ATP5MC1: variants seen among roughly 807,000 people sequenced by gnomAD.
ATP5MC1 encodes ATP synthase membrane subunit c locus 1.
Under a neutral mutation model 12.1 loss-of-function variants are expected in ATP5MC1, and 4 were observed. That is an observed-to-expected ratio of 0.33 (90% CI 0.16 to 0.76). The LOEUF (loss-of-function observed/expected upper bound fraction) is 0.76, where lower values mean the gene tolerates loss of function less well. ATP5MC1 is among the 30% of genes least tolerant of loss of function. ATP5MC1 has a pLI of 0.61. For synonymous variants in ATP5MC1, 52 were observed against 66.0 expected, an observed-to-expected ratio of 0.79 and a Z score of 1.03; for missense variants, 117 against 172.1, an observed-to-expected ratio of 0.68 and a Z score of 1.79.
intron 2 of ATP5MC1, chr17:48,893,958 G>A (rs773913533): frequency 6.4e-5 from 13 of 203,100 alleles, no homozygotes; most frequent in Non-Finnish European, 1.0e-4. Context: ...TATTCCAGTC[G>A]GTTTCCGGGG....
chr17:48,894,724 G>A, intron 3 of ATP5MC1: 1 of 516,652 alleles, frequency 1.9e-6, no homozygotes, highest in Non-Finnish European at 3.6e-6. Flanking sequence ...CTATGCCACT[G>A]CACTCCAGAC....
Position 48,895,725 on chromosome 17 carries a change from C to CT in ATP5MC1, c.371dup (p.Cys125LeufsTer37), listed in dbSNP as rs1488812657. 6.2e-7 allele frequency: 1 copy of CT among 1,613,930 alleles called. No individual in the cohort carries two copies. Among genetic ancestry groups the CT allele is most frequent in the African/African-American group, 1.3e-5 (1 of 74,902 alleles). On this transcript the variant is annotated frameshift_variant, in exon 5 of 5. Coordinates refer to ENST00000393366, the MANE Select transcript of ATP5MC1 (RefSeq NM_005175.3). LOFTEE classifies it high-confidence loss of function. ...CTTTGCCCTGTCTGAGGCCATGGGG[C>CT]TTTTCTGTTTGATGGTCGCCTTCCT...
At chr17:48,893,919 C>T (rs1438466718) in intron 2 of ATP5MC1, 2 of 209,592 alleles carry the variant, frequency 9.5e-6, no homozygotes, top group Admixed American at 1.1e-4. Flanking sequence ...TCAAAAAAGC[C>T]ATGTTACAGA....
At chr17:48,893,104 G>T in intron 1 of ATP5MC1, 194 bp downstream of exon 1, 1 of 417,662 alleles carries the variant, frequency 2.4e-6, no homozygotes, top group Non-Finnish European at 4.3e-6. Context: ...AGATGGGCAG[G>T]ATCCTGCGCG....
At chr17:48,895,606 C>G (rs923226015) in intron 4 of ATP5MC1, 49 bp from the exon 5 acceptor site, 2 of 1,536,168 alleles carry the variant, frequency 1.3e-6, no homozygotes, top group African/African-American at 2.7e-5. Context: ...CCTCCCCTCC[C>G]CTCACCCCTT....
intron 3 of ATP5MC1, chr17:48,894,812 G>T (rs1199737923): frequency 1.9e-6 from 1 of 535,202 alleles, no homozygotes; most frequent in Admixed American, 2.2e-5. Context: ...TCCCAGACAG[G>T]GGTCCTTCAG....
At chr17:48,895,007 A>G (rs2040558738) in intron 3 of ATP5MC1, 149 bp from the exon 4 acceptor site, 1 of 897,356 alleles carries the variant, frequency 1.1e-6, no homozygotes, top group Non-Finnish European at 1.8e-6. Flanking sequence ...TTCCCAGCAT[A>G]CTCTGCAATC....
At chr17:48,893,362 C>T in intron 1 of ATP5MC1, 47 bp from the exon 2 acceptor site, 1 of 1,600,998 alleles carries the variant, frequency 6.2e-7, no homozygotes, top group Non-Finnish European at 8.5e-7. Context: ...AAGCAAACAA[C>T]CAGGGTCTCA....
Position 48,894,132 on chromosome 17 carries a change from G to A in ATP5MC1, c.40-240G>A, listed in dbSNP as rs2040552088. 8.5e-6 allele frequency: 4 copies of A among 469,078 alleles called. No individual in the cohort carries two copies. The South Asian group carries it at 8.7e-5, about 10-fold the overall frequency. 29.1% of individuals were successfully genotyped at this position (469,078 alleles called of 1,614,324 possible). ...ATTCTGAGAAGCTGATTAAAGCTGT[G>A]CCCAAAGAAGTGAACTTTGGTTTGG... is the stretch of plus-strand genomic sequence containing the variant. On this transcript the variant is annotated intron_variant, in intron 2 of 4. Transcript: ENST00000393366.
chr17:48,893,714 G>A (rs2040549588), intron 2 of ATP5MC1: 2 of 558,708 alleles, frequency 3.6e-6, no homozygotes. Context: ...CACTAAAACA[G>A]TGGTTTTCAA....
In ATP5MC1 at chr17:48,893,468, C is replaced by T; in HGVS notation, c.39+12C>T. On this transcript the variant is annotated intron_variant, in intron 2 of 4. Transcript: ENST00000393366. ...TTTCTCCAGCTCTGGTAAGGTGCCG[C>T]GCCGCAGTGCTCTGTAGTACCAGGT... The T allele has an allele frequency of 1.2e-6, 2 of 1,613,790 alleles. No homozygotes were observed. The highest frequency in any genetic ancestry group is 1.1e-5 in the South Asian group (1 of 91,036).
rs2040545187 is a variant in ATP5MC1, at chr17:48,893,232, G to C, written c.-9-177G>C. On this transcript the variant is annotated intron_variant, in intron 1 of 4. Coordinates refer to ENST00000393366, the MANE Select transcript of ATP5MC1 (RefSeq NM_005175.3). ...CCGATCTCCATGACTTTGCTTTGAA[G>C]ACCCACTGCTCTGTCCCTCTGACCT... is the stretch of plus-strand genomic sequence containing the variant. The C allele has an allele frequency of 6.9e-6, 4 of 576,582 alleles. No individual in the cohort carries two copies. In the Admixed American group the frequency reaches 1.2e-4, roughly 18 times the overall value. 35.7% of individuals were successfully genotyped at this position (576,582 alleles called of 1,614,324 possible).
intron 3 of ATP5MC1, 156 bp from the exon 4 acceptor site, chr17:48,895,000 C>G: frequency 1.2e-6 from 1 of 868,288 alleles, no homozygotes; most frequent in Non-Finnish European, 1.8e-6. Flanking sequence ...AGACTAATTC[C>G]CAGCATACTC....
rs2040565539 is a variant in ATP5MC1, at chr17:48,895,597, C to T, written c.297-58C>T. 2.9e-5 allele frequency: 42 copies of T among 1,469,912 alleles called. No homozygotes were observed. The South Asian group carries it at 4.5e-4, about 16-fold the overall frequency. 91.1% of individuals were successfully genotyped at this position (1,469,912 alleles called of 1,614,324 possible). The stretch of plus-strand genomic sequence containing the variant: ...CCCATTCACCTCACCCTCCTGTGTC[C>T]TCCCCTCCCCTCACCCCTTCCTCTC... On this transcript the variant is annotated intron_variant, in intron 4 of 4. Transcript: ENST00000393366.
chr17:48,895,628 A>G (rs747940658), intron 4 of ATP5MC1, 27 bp from the exon 5 acceptor site: 2 of 1,597,616 alleles, frequency 1.3e-6, no homozygotes, highest in African/African-American at 2.7e-5. Flanking sequence ...CTCTCCCTCA[A>G]CTGGCAATGA....
chr17:48,895,587 C>T lies in ATP5MC1; in HGVS notation c.297-68C>T. The T allele has an allele frequency of 2.1e-6, 3 of 1,428,926 alleles. No homozygotes were observed. In the Admixed American group the frequency reaches 5.0e-5, roughly 24 times the overall value. 88.5% of individuals were successfully genotyped at this position (1,428,926 alleles called of 1,614,324 possible). ...AGTAACAGTCCCCATTCACCTCACC[C>T]TCCTGTGTCCTCCCCTCCCCTCACC... On this transcript the variant is annotated intron_variant, in intron 4 of 4. Coordinates refer to ENST00000393366, the MANE Select transcript of ATP5MC1 (RefSeq NM_005175.3).
chr17:48,894,928 G>C, intron 3 of ATP5MC1: 1 of 664,546 alleles, frequency 1.5e-6, no homozygotes, highest in Non-Finnish European at 2.8e-6. Flanking sequence ...ACTTATAAAA[G>C]TGAGGTGTGC....
chr17:48,894,120 G>A, intron 2 of ATP5MC1: 3 of 447,710 alleles, frequency 6.7e-6, no homozygotes, highest in Admixed American at 7.3e-5. Flanking sequence ...CTGAGAAGCT[G>A]ATTAAAGCTG....
chr17:48,893,816 G>T lies in ATP5MC1; in HGVS notation c.39+360G>T, dbSNP rs953696272. ...ACCATTTGCATCAGACTTTGGGAAT[G>T]GGGGTGGAACCCAGGCATCTGTATC... On this transcript the variant is annotated intron_variant, in intron 2 of 4. Transcript: ENST00000393366. 7.6e-5 allele frequency: 23 copies of T among 300,856 alleles called. No individual in the cohort carries two copies. The Admixed American group carries it at 8.4e-4, about 11-fold the overall frequency. The allele number at this position is 300,856 out of a possible 1,614,324, so 18.6% of individuals were successfully genotyped here. A position where few individuals can be genotyped will look rare whatever the true frequency, so the allele number is the denominator to read the frequency against.
Sources: gnomAD v4.1 joint callset for allele counts on GRCh38, gnomAD v4.1.1 for gene constraint, MANE v1.5 for transcripts, NCBI Gene and HGNC (gene_info 2026-07-23, HGNC 2026-07-21) for gene names.